Variants in N4BP2 observed in about 807,000 individuals in gnomAD.
N4BP2 encodes the protein NEDD4 binding protein 2.
Under a neutral mutation model 152.8 loss-of-function variants are expected in N4BP2, and 91 were observed. The observed-to-expected ratio is 0.60, with a 90% CI of 0.50 to 0.71. The LOEUF is 0.71. Among genes scored for constraint, N4BP2 ranks in the 30% least tolerant of loss-of-function variants. The pLI is 0.00. For synonymous variants in N4BP2, 646 were observed against 705.3 expected (o/e 0.92, Z 1.33); for missense variants, 1,923 against 2,059.1 (o/e 0.93, Z 1.28).
chr4:40,107,352 A>T (rs1163294600), intron 5 of N4BP2, among the ~76,000 whole-genome samples: 10 of 151,798 alleles, frequency 6.6e-5, no homozygotes, highest in Admixed American at 6.6e-4. Flanking sequence ...CTGAGTTTGC[A>T]GAAGTGAGCC....
At chr4:40,086,949 A>G (rs1039629534) in intron 2 of N4BP2, among the ~76,000 whole-genome samples, 2 of 151,690 alleles carry the variant, frequency 1.3e-5, no homozygotes, top group South Asian at 2.1e-4. Flanking sequence ...GGGTCTCACT[A>G]TGGTGCCCAG....
intron 12 of N4BP2, among the ~76,000 whole-genome samples, chr4:40,128,770 C>T (rs572385581): frequency 1.6e-3 from 246 of 151,930 alleles, no homozygotes; most frequent in African/African-American, 2.9e-3. Context: ...TCAAGTGATT[C>T]GGCTTCCCAA....
At position 40,122,151 on chromosome 4, in the gene N4BP2, G is replaced by GT; in HGVS notation, c.4043dup (p.Leu1348PhefsTer6). ...AAGGAAATTCTAATGGCAGGAAGTA[G>GT]TTTATCAGCTGGAGTTAGTGGGGAA... On this transcript the variant is annotated frameshift_variant, in exon 9 of 18. Coordinates refer to ENST00000261435, the MANE Select transcript of N4BP2 (RefSeq NM_018177.6). LOFTEE classifies it high-confidence loss of function. The GT allele has an allele frequency of 6.2e-7, 1 of 1,611,712 alleles. No homozygotes were observed. The highest frequency in any genetic ancestry group is 8.5e-7 in the Non-Finnish European group (1 of 1,178,610).
chr4:40,100,520 T>A (rs1715544600), intron 3 of N4BP2, among the ~76,000 whole-genome samples: 1 of 152,074 alleles, frequency 6.6e-6, no homozygotes, highest in South Asian at 2.1e-4. Context: ...TGGCTGGTAC[T>A]ATACGCACAT....
rs1036668988 is a variant in N4BP2, at chr4:40,154,551, T to C, written c.*314T>C. 15 of 265,888 alleles carry C rather than the reference T, an allele frequency of 5.6e-5. No individual in the cohort carries two copies. The highest frequency in any genetic ancestry group is 3.2e-4 in the African/African-American group (14 of 43,328). The allele number at this position is 265,888 out of a possible 1,614,324, so 16.5% of individuals were successfully genotyped here. A position where few individuals can be genotyped will look rare whatever the true frequency, so the allele number is the denominator to read the frequency against. The stretch of plus-strand genomic sequence containing the variant: ...CAGAAAAGGTTACCTTTGTATTAAT[T>C]GTTGTATGACATTTAGTAATGTCCT... On this transcript the variant is annotated 3_prime_UTR_variant, in exon 18 of 18. Transcript: ENST00000261435.
At chr4:40,058,224 T>C (rs1376608657) in intron 1 of N4BP2, among the ~76,000 whole-genome samples, 2 of 152,226 alleles carry the variant, frequency 1.3e-5, no homozygotes, top group Admixed American at 6.6e-5. Flanking sequence ...ACACCAGCTG[T>C]CTTTTGTAAC....
chr4:40,098,285 A>G (rs1231055454), intron 3 of N4BP2, among the ~76,000 whole-genome samples: 2 of 152,234 alleles, frequency 1.3e-5, no homozygotes, highest in Non-Finnish European at 2.9e-5. Context: ...CAGCTCTGCC[A>G]CTTAATCTCC....
intron 2 of N4BP2, chr4:40,077,914 A>G (rs1306018201): frequency 6.6e-6 from 1 of 152,196 alleles, no homozygotes; most frequent in Non-Finnish European, 1.5e-5. Context: ...TTGGAATGAT[A>G]CAGAGAAGAT....
chr4:40,091,824 G>A (rs1427143548), intron 2 of N4BP2, among the ~76,000 whole-genome samples: 7 of 146,774 alleles, frequency 4.8e-5, no homozygotes, highest in South Asian at 2.1e-4. Flanking sequence ...GCCCAGGCTG[G>A]TCCTGAACTC....
chr4:40,168,105 A>G, the N4BP2 span, among the ~76,000 whole-genome samples: 1 of 152,170 alleles, frequency 6.6e-6, no homozygotes, highest in Non-Finnish European at 1.5e-5. Context: ...AAATTATAAG[A>G]GGAAACAAAG....
intron 17 of N4BP2, 98 bp downstream of exon 17, chr4:40,153,001 T>TAACAGA: frequency 8.4e-7 from 1 of 1,192,992 alleles, no homozygotes; most frequent in Non-Finnish European, 1.2e-6. Context: ...ATAATAGCAA[T>TAACAGA]AGCCCTAATA....
rs1721523852 is a variant in N4BP2 at position 40,155,412 on chromosome 4, A to G, written c.*1175A>G. On this transcript the variant is annotated 3_prime_UTR_variant, in exon 18 of 18. Transcript: ENST00000261435. ...ACTCCGTCTCCAAAAAAAAAAAAGA[A>G]AAAAAAGAGAAAATATTTTGGTTAT... The G allele has an allele frequency of 6.6e-6, 1 of 152,026 alleles. No individual in the cohort carries two copies. Among genetic ancestry groups the G allele is most frequent in the African/African-American group, 2.4e-5 (1 of 41,420 alleles). 9.4% of individuals were successfully genotyped at this position (152,026 alleles called of 1,614,324 possible).
chr4:40,092,645 CTTTTTT>C (rs34819122), intron 2 of N4BP2, among the ~76,000 whole-genome samples: 1 of 120,456 alleles, frequency 8.3e-6, no homozygotes. Flanking sequence ...TTATTATTTC[CTTTTTT>C]TTTTTTTTTT....
At chr4:40,161,729 G>A (rs1364665580), downstream of N4BP2, among the ~76,000 whole-genome samples, 2 of 152,118 alleles carry the variant, frequency 1.3e-5, no homozygotes, top group Non-Finnish European at 2.9e-5. Flanking sequence ...TTGGTAAATG[G>A]GAAAGATAGA....
chr4:40,119,281 G>A (rs1717634805), intron 8 of N4BP2, among the ~76,000 whole-genome samples: 1 of 152,142 alleles, frequency 6.6e-6, no homozygotes, highest in Admixed American at 6.5e-5. Flanking sequence ...TCCTGCGAGA[G>A]TTGGGACTTC....
the N4BP2 span, among the ~76,000 whole-genome samples, chr4:40,173,806 G>A: frequency 1.3e-5 from 2 of 152,056 alleles, no homozygotes; most frequent in Admixed American, 6.6e-5. Context: ...TTTTCTCTGC[G>A]TTATCACTTT....
chr4:40,140,591 A>G (rs6853146), intron 14 of N4BP2, among the ~76,000 whole-genome samples: 4 of 151,310 alleles, frequency 2.6e-5, no homozygotes, highest in Non-Finnish European at 5.9e-5. Context: ...CTTTTTTTTT[A>G]AAATTAATTT....
intron 2 of N4BP2, among the ~76,000 whole-genome samples, chr4:40,085,666 C>G (rs1279143899): frequency 2.6e-5 from 4 of 151,900 alleles, no homozygotes; most frequent in Non-Finnish European, 4.4e-5. Flanking sequence ...AGAACAGGCC[C>G]TAGGACTGAG....
intron 14 of N4BP2, among the ~76,000 whole-genome samples, chr4:40,141,872 GGT>G (rs1444575585): frequency 6.6e-6 from 1 of 152,202 alleles, no homozygotes; most frequent in Non-Finnish European, 1.5e-5. Flanking sequence ...GATCACTCGC[GGT>G]TAGGAGCTGG....
Sources: allele counts gnomAD v4.1 joint callset (sites outside exome capture counted in the v4.1 genomes callset), GRCh38; gene constraint gnomAD v4.1.1; transcripts MANE v1.5; gene names NCBI Gene and HGNC (gene_info 2026-07-23, HGNC 2026-07-21).